Variants in TRIM37 observed in about 807,000 individuals in gnomAD.
TRIM37 encodes E3 ubiquitin-protein ligase TRIM37.
In TRIM37, 80 loss-of-function variants were observed where a neutral mutation model predicts 129.8. The ratio of observed to expected loss-of-function variants is 0.62; its 90% CI spans 0.51 to 0.74. The LOEUF (loss-of-function observed/expected upper bound fraction) is 0.74. Ranked by LOEUF, TRIM37 falls within the 30% of genes least tolerant of loss-of-function variation. The pLI is 0.00. For synonymous variants in TRIM37, 389 were observed against 387.1 expected (o/e 1.00, Z -0.06); for missense variants, 1,054 against 1,176.5 (o/e 0.90, Z 1.52).
chr17:59,018,071 G>A (rs1351807136), intron 19 of TRIM37, among the ~76,000 whole-genome samples: 1 of 152,166 alleles, frequency 6.6e-6, no homozygotes. Context: ...AAAAATCAAT[G>A]CTGAGTTAGA....
At chr17:59,020,230 C>CAAA (rs58159558) in intron 19 of TRIM37, among the ~76,000 whole-genome samples, 2 of 32,056 alleles carry the variant, frequency 6.2e-5, no homozygotes, top group Non-Finnish European at 5.1e-5. Flanking sequence ...GACTCTGTCT[C>CAAA]AAAAAAAAAA....
In TRIM37 at chr17:58,985,860, G is replaced by C. The variant is rs564289629; in HGVS notation, c.2892-2939C>G. On this transcript the variant is annotated intron_variant, in intron 24 of 24. Coordinates refer to the TRIM37 transcript ENST00000393066. ...GGCATGACTTTATATAGAACCAAAT[G>C]AACAATTGAGAAAAAAAAGGTGAAG... Among the ~76,000 whole-genome samples, 3 of 151,896 alleles carry C rather than the reference G, an allele frequency of 2.0e-5. No homozygotes were observed. The South Asian group carries it at 6.3e-4, about 32-fold the overall frequency.
chr17:59,040,978 G>A (rs907102726), intron 17 of TRIM37, among the ~76,000 whole-genome samples: 11 of 152,048 alleles, frequency 7.2e-5, no homozygotes, highest in Non-Finnish European at 1.0e-4. Flanking sequence ...CCCGGGAAGC[G>A]GAGCTTGCAG....
chr17:59,084,555 A>T (rs912686759), intron 4 of TRIM37, among the ~76,000 whole-genome samples: 3 of 152,222 alleles, frequency 2.0e-5, no homozygotes, highest in Non-Finnish European at 4.4e-5. Flanking sequence ...AAAATGAACA[A>T]CTCAATTTTA....
intron 17 of TRIM37, among the ~76,000 whole-genome samples, chr17:59,038,667 T>C (rs1314496755): frequency 1.3e-5 from 2 of 152,148 alleles, no homozygotes; most frequent in African/African-American, 4.8e-5. Flanking sequence ...AGAATCTCTC[T>C]ACCACACAGT....
intron 19 of TRIM37, among the ~76,000 whole-genome samples, chr17:59,020,589 G>A (rs2036499167): frequency 6.6e-6 from 1 of 152,084 alleles, no homozygotes. Flanking sequence ...AACTACATCT[G>A]ACAAGAGATT....
At position 59,103,418 on chromosome 17, in the gene TRIM37, T is replaced by C. The variant is rs899235397; in HGVS notation, c.123+875A>G. On this transcript the variant is annotated intron_variant, in intron 2 of 23. Coordinates refer to ENST00000262294, the MANE Select transcript of TRIM37 (RefSeq NM_015294.6). Reference sequence around the variant, plus strand: ...GTGCACTGGCATGATCTCGGCTCACTGCAACCTCCGCCTCCTGGGTTCAAG... The same window carrying C: ...GTGCACTGGCATGATCTCGGCTCACCGCAACCTCCGCCTCCTGGGTTCAAG... Among the ~76,000 whole-genome samples, 4 of 152,066 alleles carry C rather than the reference T, an allele frequency of 2.6e-5. No homozygotes were observed. The East Asian group carries it at 5.8e-4, about 22-fold the overall frequency.
At position 58,998,641 on chromosome 17, in the gene TRIM37, TAGTA is replaced by T; in HGVS notation, c.*732_*735del. 9.1e-6 allele frequency: 9 copies of T among 985,422 alleles called. No homozygotes were observed. The highest frequency in any genetic ancestry group is 1.1e-5 in the Non-Finnish European group (9 of 829,900). The allele number at this position is 985,422 out of a possible 1,614,324, so 61.0% of individuals were successfully genotyped here. A position where few individuals can be genotyped will look rare whatever the true frequency, so the allele number is the denominator to read the frequency against. ...AAATATTTGTTGCACTACAGTCGTA[TAGTA>T]AGAGGCAGAAAAAAATGAAAGAATT... is the stretch of plus-strand genomic sequence containing the variant. On this transcript the variant is annotated 3_prime_UTR_variant, in exon 24 of 24. Coordinates refer to ENST00000262294, the MANE Select transcript of TRIM37 (RefSeq NM_015294.6).
intron 19 of TRIM37, among the ~76,000 whole-genome samples, chr17:59,023,040 AC>A (rs1373222487): frequency 1.3e-5 from 2 of 152,102 alleles, no homozygotes; most frequent in South Asian, 2.1e-4. Context: ...AGAATCTATT[AC>A]TATAAATAGA....
intron 15 of TRIM37, 60 bp from the exon 16 acceptor site, chr17:59,047,879 C>T: frequency 6.3e-7 from 1 of 1,585,950 alleles, no homozygotes; most frequent in Non-Finnish European, 8.6e-7. Context: ...AGTTGATCAC[C>T]CCATCCAGCC....
Position 59,106,520 on chromosome 17 carries a change from A to G in TRIM37, c.-59T>C. On this transcript the variant is annotated 5_prime_UTR_variant, in exon 1 of 24. Transcript: ENST00000262294. ...CGCAGGCTCCGCAGTCTGACCTCTT[A>G]GGCGCCGGCCCGAGGTCGCCAGATC... 1 of 1,607,828 alleles carries G rather than the reference A, an allele frequency of 6.2e-7. No homozygotes were observed. The highest frequency in any genetic ancestry group is 8.5e-7 in the Non-Finnish European group (1 of 1,176,648).
intron 14 of TRIM37, 34 bp downstream of exon 14, chr17:59,051,180 G>A: frequency 2.2e-6 from 3 of 1,385,152 alleles, no homozygotes; most frequent in South Asian, 2.4e-5. Flanking sequence ...AAGGACAATA[G>A]GAAACACCAA....
At position 59,075,641 on chromosome 17, in the gene TRIM37, C is replaced by G; in HGVS notation, c.684+6G>C. On this transcript the variant is annotated splice_donor_region_variant and intron_variant, in intron 8 of 23. Transcript: ENST00000262294. ...GACTATTTCATTACATTTAATATTTCATCACCTGGTGCTCCACCTCCTGAA... is the reference window on the plus strand; with the variant it reads ...GACTATTTCATTACATTTAATATTTGATCACCTGGTGCTCCACCTCCTGAA... The G allele has an allele frequency of 1.9e-6, 3 of 1,572,062 alleles. No individual in the cohort carries two copies. The highest frequency in any genetic ancestry group is 2.6e-6 in the Non-Finnish European group (3 of 1,149,330).
chr17:59,039,363 T>C (rs2038906553), intron 17 of TRIM37, among the ~76,000 whole-genome samples: 1 of 150,650 alleles, frequency 6.6e-6, no homozygotes, highest in African/African-American at 2.4e-5. Context: ...TTTTTTTTTT[T>C]TGAGATGGAG....
intron 2 of TRIM37, among the ~76,000 whole-genome samples, chr17:59,094,725 CTG>C (rs1446432642): frequency 3.3e-5 from 5 of 151,694 alleles, no homozygotes; most frequent in African/African-American, 1.2e-4. Context: ...GGGTTCCTGA[CTG>C]GAAAAGAAAC....
intron 19 of TRIM37, among the ~76,000 whole-genome samples, chr17:59,022,201 A>G (rs2036688829): frequency 6.6e-6 from 1 of 152,198 alleles, no homozygotes; most frequent in Admixed American, 6.5e-5. Flanking sequence ...ATGACTATGT[A>G]GTCAAGGATC....
In TRIM37 at chr17:59,015,939, A is replaced by G. The variant is rs2035877105; in HGVS notation, c.2387-140T>C. ...GGTTGCAGTGAGCTGAGATTGTGCT[A>G]CACTCCAGCCTGGACAACAGAGCAA... is the stretch of plus-strand genomic sequence containing the variant. On this transcript the variant is annotated intron_variant, in intron 20 of 23. Coordinates refer to ENST00000262294, the MANE Select transcript of TRIM37 (RefSeq NM_015294.6). The G allele has an allele frequency of 5.6e-6, 4 of 719,126 alleles. No individual in the cohort carries two copies. The East Asian group carries it at 8.2e-5, about 15-fold the overall frequency. The allele number at this position is 719,126 out of a possible 1,614,324, so 44.5% of individuals were successfully genotyped here.
At chr17:59,083,295 C>T (rs941933138) in intron 5 of TRIM37, among the ~76,000 whole-genome samples, 2 of 151,850 alleles carry the variant, frequency 1.3e-5, no homozygotes, top group African/African-American at 2.4e-5. Context: ...ATTAGCCAGG[C>T]GTGGTGGTGG....
At chr17:59,040,403 T>C (rs1320756945) in intron 17 of TRIM37, among the ~76,000 whole-genome samples, 1 of 151,780 alleles carries the variant, frequency 6.6e-6, no homozygotes, top group Non-Finnish European at 1.5e-5. Context: ...AACCAACAGA[T>C]CTTGGTAATA....
Sources: allele counts gnomAD v4.1 joint callset (sites outside exome capture counted in the v4.1 genomes callset), GRCh38; gene constraint gnomAD v4.1.1; transcripts MANE v1.5; gene names NCBI Gene and HGNC (gene_info 2026-07-23, HGNC 2026-07-21).